JMJD1C: variants seen among roughly 807,000 people sequenced by gnomAD.
JMJD1C encodes jumonji domain-containing protein 1C.
JMJD1C carries 31 observed loss-of-function variants against 245.3 expected under a neutral mutation model. That is an observed-to-expected ratio of 0.13 (90% CI 0.09 to 0.17). The LOEUF (loss-of-function observed/expected upper bound fraction) is 0.17, where lower values mean the gene tolerates loss of function less well. Among genes scored for constraint, JMJD1C ranks in the 10% least tolerant of loss-of-function variants. JMJD1C has a pLI of 1.00. For synonymous variants in JMJD1C, 1,057 were observed against 1,017.4 expected (o/e 1.04, Z -0.74); for missense variants, 2,691 against 3,000.2 (o/e 0.90, Z 2.41).
chr10:63,469,183 CA>C (rs1313456736), upstream of JMJD1C, among the ~76,000 whole-genome samples: 1 of 152,192 alleles, frequency 6.6e-6, no homozygotes, highest in Non-Finnish European at 1.5e-5. Flanking sequence ...TGTCACTATA[CA>C]TGTCTACTTT....
intron 3 of JMJD1C, among the ~76,000 whole-genome samples, chr10:63,234,501 A>AC (rs1554849025): frequency 6.9e-6 from 1 of 144,114 alleles, no homozygotes; most frequent in Non-Finnish European, 1.5e-5. Context: ...CTTAAAAAAA[A>AC]AAAAAAAAAA....
chr10:63,418,729 G>T (rs902257693), intron 1 of JMJD1C, among the ~76,000 whole-genome samples: 1 of 152,022 alleles, frequency 6.6e-6, no homozygotes, highest in East Asian at 1.9e-4. Flanking sequence ...ATGTGGGGGG[G>T]GTTTCTGCTT....
intron 3 of JMJD1C, among the ~76,000 whole-genome samples, chr10:63,235,276 G>A (rs939893878): frequency 1.3e-5 from 2 of 152,008 alleles, no homozygotes; most frequent in South Asian, 2.1e-4. Context: ...CAGGTGGATC[G>A]CCTGAGGTCA....
At chr10:63,258,589 A>C (rs2133717138) in intron 3 of JMJD1C, among the ~76,000 whole-genome samples, 1 of 152,188 alleles carries the variant, frequency 6.6e-6, no homozygotes, top group Middle Eastern at 3.4e-3. Flanking sequence ...CTCCTGGCAA[A>C]TGTCTGGATT....
rs962426916 is a variant in JMJD1C, at chr10:63,189,242, G to A, written c.6496C>T (p.His2166Tyr). The A allele has an allele frequency of 6.2e-7, 1 of 1,612,608 alleles. No homozygotes were observed. Among genetic ancestry groups the A allele is most frequent in the East Asian group, 2.2e-5 (1 of 44,770 alleles). Residue 2166 changes from histidine to tyrosine, a missense_variant, in exon 18 of 26, where the codon CAT (histidine) becomes TAT (tyrosine). By Grantham distance (83) the His-to-Tyr change is moderately conservative (BLOSUM62 2). Around this residue, in one of 9 missense-constraint regions of JMJD1C, gnomAD observed 275 missense variants for 285.5 expected, o/e 0.96. Transcript: ENST00000399262. ...TTATAATCCTTAAGCCATAAAATATGCTTCTCACAGATCCAAGAATGTGGT... is the reference window on the plus strand; with the variant it reads ...TTATAATCCTTAAGCCATAAAATATACTTCTCACAGATCCAAGAATGTGGT... ...DIPHSWICEK[H>Y]ILWLKDYKNS...
At chr10:63,355,801 T>C (rs965686614) in intron 2 of JMJD1C, among the ~76,000 whole-genome samples, 20 of 151,620 alleles carry the variant, frequency 1.3e-4, no homozygotes, top group Admixed American at 9.9e-4. Flanking sequence ...TATACAATAA[T>C]GAGATGGGCG....
chr10:63,387,515 A>C (rs1947701418), intron 1 of JMJD1C, among the ~76,000 whole-genome samples: 1 of 151,760 alleles, frequency 6.6e-6, no homozygotes, highest in African/African-American at 2.4e-5. Context: ...GTATTCATCG[A>C]ATCAAACAAA....
At chr10:63,449,166 T>G (rs7085621) in intron 1 of JMJD1C, among the ~76,000 whole-genome samples, 102 of 152,088 alleles carry the variant, frequency 6.7e-4, no homozygotes, top group African/African-American at 2.4e-3. Flanking sequence ...TTCTAATATA[T>G]ACTTGCTTTG....
intron 1 of JMJD1C, among the ~76,000 whole-genome samples, chr10:63,440,148 A>G (rs1589751924): frequency 6.6e-6 from 1 of 152,132 alleles, no homozygotes; most frequent in South Asian, 2.1e-4. Flanking sequence ...CAGCCTGACC[A>G]ACATAGTGAA....
intron 10 of JMJD1C, among the ~76,000 whole-genome samples, chr10:63,201,497 A>G (rs552334053): frequency 1.3e-5 from 2 of 152,362 alleles, no homozygotes; most frequent in East Asian, 3.9e-4. Flanking sequence ...GCTCCATCAC[A>G]TTTACTGACT....
At chr10:63,423,904 G>A (rs982191441) in intron 1 of JMJD1C, among the ~76,000 whole-genome samples, 2 of 152,070 alleles carry the variant, frequency 1.3e-5, no homozygotes, top group Non-Finnish European at 2.9e-5. Context: ...AGATACTGAC[G>A]ATCTTGCCTT....
intron 10 of JMJD1C, among the ~76,000 whole-genome samples, chr10:63,206,114 C>T (rs1846584675): frequency 6.6e-6 from 1 of 152,204 alleles, no homozygotes; most frequent in South Asian, 2.1e-4. Context: ...CAATCCCCCA[C>T]AGGTATACCC....
At chr10:63,459,372 T>C (rs1303223443) in intron 1 of JMJD1C, among the ~76,000 whole-genome samples, 1 of 152,226 alleles carries the variant, frequency 6.6e-6, no homozygotes, top group African/African-American at 2.4e-5. Flanking sequence ...GGGTTTATGA[T>C]ATATGTGACC....
At chr10:63,469,062 A>G (rs1319685261), upstream of JMJD1C, among the ~76,000 whole-genome samples, 1 of 152,226 alleles carries the variant, frequency 6.6e-6, no homozygotes, top group East Asian at 1.9e-4. Flanking sequence ...TTATCTACTT[A>G]GTTTAGTCTG....
intron 3 of JMJD1C, among the ~76,000 whole-genome samples, chr10:63,261,621 T>C (rs1327328939): frequency 3.3e-5 from 5 of 152,176 alleles, no homozygotes; most frequent in African/African-American, 1.2e-4. Flanking sequence ...TAATACTTGC[T>C]ATCTGATATT....
intron 2 of JMJD1C, among the ~76,000 whole-genome samples, chr10:63,371,486 A>G (rs1946316087): frequency 6.6e-6 from 1 of 152,188 alleles, no homozygotes; most frequent in Non-Finnish European, 1.5e-5. Context: ...ACTGCAATAA[A>G]CATCTTTCTT....
intron 2 of JMJD1C, among the ~76,000 whole-genome samples, chr10:63,297,870 G>A (rs751554643): frequency 4.6e-5 from 7 of 152,254 alleles, no homozygotes; most frequent in Non-Finnish European, 1.0e-4. Flanking sequence ...AAGAAGAGCT[G>A]TGGCCCTACT....
intron 2 of JMJD1C, chr10:63,359,016 C>G (rs2134345463): frequency 6.5e-6 from 1 of 154,638 alleles, no homozygotes. Flanking sequence ...ATATTACTAC[C>G]AGATAGAAAT....
At chr10:63,424,779 A>G (rs1192108706) in intron 1 of JMJD1C, among the ~76,000 whole-genome samples, 1 of 152,152 alleles carries the variant, frequency 6.6e-6, no homozygotes, top group African/African-American at 2.4e-5. Context: ...CAATCAGCAA[A>G]AGCAAACTCT....
Sources: gnomAD v4.1 joint callset for allele counts (sites outside exome capture counted in the v4.1 genomes callset) on GRCh38, gnomAD v4.1.1 for gene constraint, gnomAD v4.1.1 regional missense constraint, MANE v1.5 for transcripts, NCBI Gene and HGNC (gene_info 2026-07-23, HGNC 2026-07-21) for gene names.